The following LRCH4 variants were observed in gnomAD, a reference collection of about 807,000 sequenced individuals.
LRCH4 encodes the protein leucine rich repeats and calponin homology domain containing 4.
LRCH4 carries 56 observed loss-of-function variants against 81.2 expected under a neutral mutation model. The observed-to-expected ratio is 0.69, with a 90% CI of 0.56 to 0.86. LRCH4 has a LOEUF of 0.86. LRCH4 is among the 40% of genes least tolerant of loss of function. The probability of loss-of-function intolerance (pLI) is 0.00; values close to 1 mark genes in which losing one functional copy is unlikely to be tolerated. For missense variants in LRCH4, 895 were observed against 922.8 expected (o/e 0.97, Z 0.39); for synonymous variants, 442 against 409.7 (o/e 1.08, Z -0.95).
At chr7:100,584,551 G>A in intron 1 of LRCH4, 1 of 381,560 alleles carries the variant, frequency 2.6e-6, no homozygotes, top group South Asian at 1.9e-5. Flanking sequence ...ACAACCAAGG[G>A]GGAGGGGAAG....
Position 100,577,882 on chromosome 7 carries a change from G to A in LRCH4, c.979C>T (p.Arg327Trp), listed in dbSNP as rs752697341. ...STDEFSELSF[R>W]ISELAREPRG... is the part of the protein sequence containing the mutation. ...GGCTCCCGGGCCAGCTCTGAGATCC[G>A]GAATGACAGCTCTGAAAATTCATCT... Residue 327 changes from arginine to tryptophan, a missense_variant, in exon 8 of 18, where the codon CGG becomes TGG. Coordinates refer to ENST00000310300, the MANE Select transcript of LRCH4 (RefSeq NM_002319.5). The surrounding 1 kb of genome is among the most constrained non-coding windows in gnomAD (Gnocchi z 6.7). 27 of 1,613,926 alleles carry A rather than the reference G, an allele frequency of 1.7e-5. No individual in the cohort carries two copies. Among genetic ancestry groups the A allele is most frequent in the South Asian group, 5.5e-5 (5 of 91,090 alleles).
At chr7:100,579,361 G>T (rs1263591399) in intron 4 of LRCH4, 1 of 152,992 alleles carries the variant, frequency 6.5e-6, no homozygotes, top group Non-Finnish European at 1.5e-5. Flanking sequence ...AATTTGGGAG[G>T]CCAAGGCGGG....
chr7:100,575,170 G>A lies in LRCH4; in HGVS notation c.1989C>T (p.Val663=), dbSNP rs746917733. Residue 663 remains valine, a synonymous_variant, in exon 18 of 18, where the codon GTC becomes GTT. Transcript: ENST00000310300. The surrounding 1 kb of genome is among the most constrained non-coding windows in gnomAD (Gnocchi z 5.3). ...LWPPSGLGGF[V]VFYVVLMLLL... Reference sequence around the variant, plus strand: ...GCAGCATGAGGACCACGTAGAAGACGACGAAGCCGCCCAGACCAGAGGGGG... The same window carrying A: ...GCAGCATGAGGACCACGTAGAAGACAACGAAGCCGCCCAGACCAGAGGGGG... The A allele has an allele frequency of 1.2e-5, 20 of 1,613,328 alleles. No homozygotes were observed. The highest frequency in any genetic ancestry group is 6.6e-5 in the South Asian group (6 of 90,972).
In LRCH4 at chr7:100,578,770, A is replaced by G; in HGVS notation, c.615T>C (p.Pro205=). The G allele has an allele frequency of 6.2e-7, 1 of 1,613,494 alleles. No homozygotes were observed. The highest frequency in any genetic ancestry group is 1.3e-5 in the African/African-American group (1 of 74,960). ...STLPEELGDL[P]LVRLDFSCNR... is the part of the protein sequence containing the mutation. ...TACAGGAGAAATCCAGGCGGACCAG[A>G]GGGAGGTCCCCCAGCTCTGGAACAG... is the stretch of plus-strand genomic sequence containing the variant. The change falls in exon 5 of 18, where the codon CCT becomes CCC. Residue 205 remains proline, a synonymous_variant. Transcript: ENST00000310300. This position sits in a 1 kb window ranked among gnomAD's most constrained non-coding sequence, Gnocchi z 5.7.
At position 100,574,319 on chromosome 7, in the gene LRCH4, T is replaced by C. The variant is rs1801257250; in HGVS notation, c.*788A>G. ...GGGGAGGCCCCTTCCCGGGGCCCCC[T>C]CCTCTTCCAGGATGTGGTGGGGCTG... On this transcript the variant is annotated 3_prime_UTR_variant, in exon 18 of 18. Transcript: ENST00000310300. The C allele has an allele frequency of 5.8e-6, 1 of 172,468 alleles. No homozygotes were observed. Among genetic ancestry groups the C allele is most frequent in the Non-Finnish European group, 1.3e-5 (1 of 77,272 alleles). The allele number at this position is 172,468 out of a possible 1,614,324, so 10.7% of individuals were successfully genotyped here. A position where few individuals can be genotyped will look rare whatever the true frequency, so the allele number is the denominator to read the frequency against.
chr7:100,586,104 C>A lies in LRCH4; in HGVS notation c.-4G>T, dbSNP rs1464447179. 9 of 1,512,644 alleles carry A rather than the reference C, an allele frequency of 5.9e-6. No homozygotes were observed. In the East Asian group the frequency reaches 2.3e-4, roughly 38 times the overall value. 93.7% of individuals were successfully genotyped at this position (1,512,644 alleles called of 1,614,324 possible). A position where few individuals can be genotyped will look rare whatever the true frequency, so the allele number is the denominator to read the frequency against. ...GAGCCGCTACGGCCGCCGCCATCCG[C>A]TCCCGGCGGCTCCCGCTGCCTGACT... On this transcript the variant is annotated 5_prime_UTR_variant, in exon 1 of 18. Coordinates refer to ENST00000310300, the MANE Select transcript of LRCH4 (RefSeq NM_002319.5).
At chr7:100,576,613 A>G in intron 14 of LRCH4, 81 bp downstream of exon 14, 1 of 1,235,930 alleles carries the variant, frequency 8.1e-7, no homozygotes, top group Non-Finnish European at 1.1e-6. Flanking sequence ...ACAGACCCAG[A>G]GGGCTCCCAG....
Position 100,576,496 on chromosome 7 carries a change from T to C in LRCH4, c.1553-173A>G. The C allele has an allele frequency of 4.5e-6, 3 of 666,104 alleles. No individual in the cohort carries two copies. In the South Asian group the frequency reaches 5.7e-5, roughly 13 times the overall value. 41.3% of individuals were successfully genotyped at this position (666,104 alleles called of 1,614,324 possible). A position where few individuals can be genotyped will look rare whatever the true frequency, so the allele number is the denominator to read the frequency against. ...CCAGGCTGGTCTTGAATTCCTGGGC[T>C]CAAGCGATCCTCCCACCTGGGCCTC... On this transcript the variant is annotated intron_variant, in intron 14 of 17. Coordinates refer to ENST00000310300, the MANE Select transcript of LRCH4 (RefSeq NM_002319.5).
At position 100,575,572 on chromosome 7, in the gene LRCH4, T is replaced by G. The variant is rs1801327527; in HGVS notation, c.1854+133A>C. The stretch of plus-strand genomic sequence containing the variant: ...CAGGGGGCATGCAGGGCAGGGGGCA[T>G]GCTGGGCAGGGCAGGGGCAGCCTGT... On this transcript the variant is annotated intron_variant, in intron 17 of 17. Transcript: ENST00000310300. This position sits in a 1 kb window ranked among gnomAD's most constrained non-coding sequence, Gnocchi z 5.3. 4 of 1,129,594 alleles carry G rather than the reference T, an allele frequency of 3.5e-6. No homozygotes were observed. In the East Asian group the frequency reaches 7.0e-5, roughly 20 times the overall value. 70.0% of individuals were successfully genotyped at this position (1,129,594 alleles called of 1,614,324 possible).
Position 100,574,255 on chromosome 7 carries a change from A to G in LRCH4, c.*852T>C. ...CCCTGTGCCCCCACCTTCACCCCTA[A>G]GGCCGGTCCAGCAGGGCGTGGACGA... is the stretch of plus-strand genomic sequence containing the variant. On this transcript the variant is annotated 3_prime_UTR_variant, in exon 18 of 18. Coordinates refer to ENST00000310300, the MANE Select transcript of LRCH4 (RefSeq NM_002319.5). 2 of 193,830 alleles carry G rather than the reference A, an allele frequency of 1.0e-5. No individual in the cohort carries two copies. The highest frequency in any genetic ancestry group is 2.2e-5 in the Non-Finnish European group (2 of 89,452). 12.0% of individuals were successfully genotyped at this position (193,830 alleles called of 1,614,324 possible).
intron 1 of LRCH4, among the ~76,000 whole-genome samples, chr7:100,585,470 G>A (rs1237381227): frequency 6.7e-6 from 1 of 150,358 alleles, no homozygotes; most frequent in Admixed American, 6.6e-5. Flanking sequence ...ATCTCGGTGG[G>A]ACGGGGGTTA....
Position 100,577,417 on chromosome 7 carries a change from G to A in LRCH4, c.1179-28C>T. On this transcript the variant is annotated intron_variant, in intron 10 of 17. Transcript: ENST00000310300. This position sits in a 1 kb window ranked among gnomAD's most constrained non-coding sequence, Gnocchi z 6.7. The stretch of plus-strand genomic sequence containing the variant: ...GAGGGACCAAGACAGGGCAAGAGGG[G>A]CAGACCCCGGGGTCAGGGAAGGAGG... The A allele has an allele frequency of 6.2e-7, 1 of 1,600,354 alleles. No homozygotes were observed.
intron 1 of LRCH4, chr7:100,584,236 T>C (rs575389696): frequency 1.1e-5 from 5 of 456,502 alleles, no homozygotes; most frequent in Non-Finnish European, 4.4e-6. Context: ...ACTTCCCCTT[T>C]CTGTCCCTGC....
rs1239419451 is a variant in LRCH4 at position 100,582,010 on chromosome 7, G to A, written c.492+31C>T. ...GAAGGTCCCGCTGCCTGGCTCAGGG[G>A]TCCCTTTCCTGGTCCCGTCCCCATC... On this transcript the variant is annotated intron_variant, in intron 3 of 17. Transcript: ENST00000310300. This position sits in a 1 kb window ranked among gnomAD's most constrained non-coding sequence, Gnocchi z 5.0. The A allele has an allele frequency of 8.1e-6, 13 of 1,600,848 alleles. No individual in the cohort carries two copies. Among genetic ancestry groups the A allele is most frequent in the Non-Finnish European group, 1.0e-5 (12 of 1,173,172 alleles).
intron 1 of LRCH4, chr7:100,584,845 G>A: frequency 1.3e-5 from 6 of 451,946 alleles, no homozygotes; most frequent in South Asian, 9.4e-5. Flanking sequence ...GTCCCCCACC[G>A]TGCAGATGAG....
rs1176615772 is a variant in LRCH4, at chr7:100,578,712, G to A, written c.673C>T (p.Arg225Cys). The A allele has an allele frequency of 5.6e-6, 9 of 1,614,048 alleles. No individual in the cohort carries two copies. The highest frequency in any genetic ancestry group is 2.7e-5 in the African/African-American group (2 of 74,930). ...RVSRIPVSFC[R>C]LRHLQVILLD... ...AGAATGACCTGCAGGTGCCTCAGGCGGCAGAAGGAGACTGGGATTCGGGAG... is the reference window on the plus strand; with the variant it reads ...AGAATGACCTGCAGGTGCCTCAGGCAGCAGAAGGAGACTGGGATTCGGGAG... Residue 225 changes from arginine (R) to cysteine (C), a missense_variant, in exon 5 of 18, where the codon CGC becomes TGC. Physicochemically the swap from Arg to Cys is radical, Grantham distance 180. Coordinates refer to ENST00000310300, the MANE Select transcript of LRCH4 (RefSeq NM_002319.5). The surrounding 1 kb of genome is among the most constrained non-coding windows in gnomAD (Gnocchi z 5.7).
At chr7:100,576,363 C>T (rs1191643167) in intron 14 of LRCH4, 40 bp from the exon 15 acceptor site, 3 of 1,433,564 alleles carry the variant, frequency 2.1e-6, no homozygotes, top group Admixed American at 1.7e-5. Context: ...CTCCACTGCT[C>T]ACCACTGACT....
intron 1 of LRCH4, chr7:100,584,054 G>A (rs566893201): frequency 6.8e-6 from 3 of 440,972 alleles, no homozygotes; most frequent in African/African-American, 4.0e-5. Flanking sequence ...CTAGTCCAAG[G>A]GAGATCAGGG....
chr7:100,576,665 G>C (rs1349665079), intron 14 of LRCH4, 29 bp downstream of exon 14: 19 of 1,559,438 alleles, frequency 1.2e-5, no homozygotes, highest in Non-Finnish European at 1.6e-5. Context: ...CAAGCACTGG[G>C]TCAGCACTGG....
Sources: gnomAD v4.1 joint callset for allele counts (sites outside exome capture counted in the v4.1 genomes callset) on GRCh38, gnomAD v4.1.1 for gene constraint, Gnocchi (gnomAD v3.1) non-coding constraint, MANE v1.5 for transcripts, NCBI Gene and HGNC (gene_info 2026-07-23, HGNC 2026-07-21) for gene names.